RPA1: variants seen among roughly 807,000 people sequenced by gnomAD.
RPA1 encodes the protein replication protein A 70 kDa DNA-binding subunit.
A neutral mutation model predicts 83.0 loss-of-function variants in RPA1; 49 were observed. The ratio of observed to expected loss-of-function variants is 0.59; its 90% CI spans 0.47 to 0.75. RPA1 has a LOEUF of 0.75. Ranked by LOEUF, RPA1 falls within the 30% of genes least tolerant of loss-of-function variation. RPA1 has a pLI of 0.00. For missense variants in RPA1, 693 were observed against 776.1 expected, an observed-to-expected ratio of 0.89 and a Z score of 1.27; for synonymous variants, 279 against 281.8, an observed-to-expected ratio of 0.99 and a Z score of 0.10.
intron 4 of RPA1, among the ~76,000 whole-genome samples, chr17:1,848,796 C>T (rs1255080148): frequency 1.3e-5 from 2 of 151,988 alleles, no homozygotes; most frequent in Non-Finnish European, 2.9e-5. Context: ...AAACTCCTGA[C>T]CTTGTGATCC....
intron 5 of RPA1, chr17:1,872,213 T>C: frequency 1.7e-6 from 1 of 600,692 alleles, no homozygotes; most frequent in Non-Finnish European, 2.9e-6. Flanking sequence ...TCTAAGCAGG[T>C]GAAAGGTAGA....
At chr17:1,894,029 GTTTTTTTTT>G (rs5818841) in intron 15 of RPA1, among the ~76,000 whole-genome samples, 1 of 127,598 alleles carries the variant, frequency 7.8e-6, no homozygotes, top group Non-Finnish European at 1.6e-5. Context: ...CCTGGCTTAA[GTTTTTTTTT>G]TTTTTTTTTT....
intron 13 of RPA1, among the ~76,000 whole-genome samples, chr17:1,885,342 C>T (rs895159971): frequency 7.2e-5 from 11 of 152,152 alleles, no homozygotes; most frequent in Non-Finnish European, 1.0e-4. Flanking sequence ...TCGTTATTTT[C>T]GTCACATCTA....
At chr17:1,890,656 C>G (rs1006680953) in intron 14 of RPA1, among the ~76,000 whole-genome samples, 4 of 152,082 alleles carry the variant, frequency 2.6e-5, no homozygotes, top group African/African-American at 7.2e-5. Flanking sequence ...GAGCAAGACT[C>G]CATCTCAATA....
At chr17:1,871,830 C>T (rs1308411950) in intron 5 of RPA1, among the ~76,000 whole-genome samples, 6 of 152,130 alleles carry the variant, frequency 3.9e-5, no homozygotes, top group African/African-American at 7.2e-5. Context: ...CATCTCTCCC[C>T]GCTGTGACAG....
At chr17:1,875,017 T>C (rs545683443) in intron 6 of RPA1, among the ~76,000 whole-genome samples, 1 of 152,216 alleles carries the variant, frequency 6.6e-6, no homozygotes, top group Non-Finnish European at 1.5e-5. Flanking sequence ...CCCTGTTCTT[T>C]CCCAGCGCAG....
intron 16 of RPA1, 127 bp downstream of exon 16, chr17:1,895,222 C>A: frequency 1.6e-6 from 1 of 629,808 alleles, no homozygotes. Flanking sequence ...TGACTTTGCC[C>A]AACACAGGTG....
In RPA1 at chr17:1,877,280, G is replaced by A; in HGVS notation, c.656G>A (p.Gly219Glu). The A allele has an allele frequency of 6.2e-7, 1 of 1,614,214 alleles. No homozygotes were observed. The highest frequency in any genetic ancestry group is 8.5e-7 in the Non-Finnish European group (1 of 1,180,048). The change falls in exon 8 of 17, where the codon GGG becomes GAG. Residue 219 changes from glycine (G) to glutamate (E), a missense_variant. By Grantham distance (98) the Gly-to-Glu change is moderately conservative. Coordinates refer to ENST00000254719, the MANE Select transcript of RPA1 (RefSeq NM_002945.5). The part of the protein sequence containing the change: ...IRTWSNSRGE[G>E]KLFSLELVDE... ...ACCTGGAGCAACTCCCGAGGGGAAG[G>A]GAAGCTTTTCTCCCTAGAACTGGTT...
chr17:1,849,385 C>T (rs898348008), intron 4 of RPA1, among the ~76,000 whole-genome samples: 6 of 150,014 alleles, frequency 4.0e-5, no homozygotes, highest in South Asian at 2.1e-4. Context: ...CTCCGCCTCC[C>T]GGGTTCACGC....
At chr17:1,840,277 T>C (rs1023555942) in intron 1 of RPA1, among the ~76,000 whole-genome samples, 1 of 151,966 alleles carries the variant, frequency 6.6e-6, no homozygotes, top group Non-Finnish European at 1.5e-5. Flanking sequence ...ACTACAGGTG[T>C]GCACCACATA....
At chr17:1,887,502 T>C (rs1752736352) in intron 13 of RPA1, among the ~76,000 whole-genome samples, 1 of 149,508 alleles carries the variant, frequency 6.7e-6, no homozygotes, top group Non-Finnish European at 1.5e-5. Context: ...GAGATTTCAG[T>C]GAGCTGAGAT....
chr17:1,844,088 C>A, intron 3 of RPA1, 90 bp downstream of exon 3: 2 of 1,071,768 alleles, frequency 1.9e-6, no homozygotes, highest in Non-Finnish European at 2.8e-6. Context: ...TGGGGGCATT[C>A]GTGAAGTCCG....
chr17:1,872,254 A>G, intron 5 of RPA1, 180 bp from the exon 6 acceptor site: 1 of 898,318 alleles, frequency 1.1e-6, no homozygotes, highest in Non-Finnish European at 1.7e-6. Flanking sequence ...ATGAAAACAA[A>G]AAGTGAACCC....
chr17:1,881,974 CAGAT>C (rs939926523), intron 12 of RPA1, among the ~76,000 whole-genome samples: 4 of 152,324 alleles, frequency 2.6e-5, no homozygotes, highest in Non-Finnish European at 1.5e-5. Flanking sequence ...AGTGGTGAAA[CAGAT>C]GGATGGGCCT....
intron 8 of RPA1, 152 bp downstream of exon 8, chr17:1,877,466 G>A (rs1232617087): frequency 7.6e-6 from 5 of 654,280 alleles, no homozygotes; most frequent in Non-Finnish European, 1.4e-5. Flanking sequence ...GCTCAGCTCT[G>A]CGGGCCTATG....
At chr17:1,851,545 A>G (rs1313686411) in intron 4 of RPA1, among the ~76,000 whole-genome samples, 1 of 152,126 alleles carries the variant, frequency 6.6e-6, no homozygotes, top group Non-Finnish European at 1.5e-5. Flanking sequence ...ATATTAGTGT[A>G]TTCTTTTAAT....
At chr17:1,875,435 T>G (rs56082283) in intron 6 of RPA1, among the ~76,000 whole-genome samples, 2 of 152,198 alleles carry the variant, frequency 1.3e-5, no homozygotes, top group Non-Finnish European at 2.9e-5. Flanking sequence ...AACATAGCAG[T>G]GAGCTGCTGT....
At chr17:1,879,170 G>A (rs772410443) in intron 9 of RPA1, 45 bp from the exon 10 acceptor site, 20 of 1,609,182 alleles carry the variant, frequency 1.2e-5, no homozygotes, top group Admixed American at 3.3e-5. Flanking sequence ...GTTTCTGTCC[G>A]ATTTGATGGT....
chr17:1,899,735 C>T lies in RPA1; in HGVS notation c.*2560C>T, dbSNP rs972804352. Reference sequence around the variant, plus strand: ...ACTGTCCAAAAGTGAAGTTTGGCCGCCCAGTATGTAAAGGTTTATATTGAC... The same window carrying T: ...ACTGTCCAAAAGTGAAGTTTGGCCGTCCAGTATGTAAAGGTTTATATTGAC... On this transcript the variant is annotated 3_prime_UTR_variant, in exon 17 of 17. Transcript: ENST00000254719. 5 of 152,186 alleles carry T rather than the reference C, an allele frequency of 3.3e-5. No homozygotes were observed. The highest frequency in any genetic ancestry group is 7.3e-5 in the Non-Finnish European group (5 of 68,032). The allele number at this position is 152,186 out of a possible 1,614,324, so 9.4% of individuals were successfully genotyped here.
Sources: allele counts gnomAD v4.1 joint callset (sites outside exome capture counted in the v4.1 genomes callset), GRCh38; gene constraint gnomAD v4.1.1; transcripts MANE v1.5; gene names NCBI Gene and HGNC (gene_info 2026-07-23, HGNC 2026-07-21).